MAML2: variants seen among roughly 807,000 people sequenced by gnomAD.
MAML2 encodes the protein mastermind-like protein 2.
Under a neutral mutation model 96.1 loss-of-function variants are expected in MAML2, and 22 were observed. The ratio of observed to expected loss-of-function variants is 0.23; its 90% CI spans 0.16 to 0.33. The LOEUF (loss-of-function observed/expected upper bound fraction) is 0.33. Among genes scored for constraint, MAML2 ranks in the 10% least tolerant of loss-of-function variants. The pLI is 1.00. For missense variants in MAML2, 1,367 were observed against 1,392.4 expected (o/e 0.98, Z 0.29); for synonymous variants, 561 against 521.3 (o/e 1.08, Z -1.04).
At position 96,091,762 on chromosome 11, in the gene MAML2, T is replaced by C. The variant is rs181585355; in HGVS notation, c.2139+130A>G. 6.4e-4 allele frequency: 851 copies of C among 1,337,478 alleles called. 2 individuals carry two copies. Among genetic ancestry groups the C allele is most frequent in the Admixed American group, 1.6e-3 (58 of 35,824 alleles). The allele number at this position is 1,337,478 out of a possible 1,614,324, so 82.9% of individuals were successfully genotyped here. The stretch of plus-strand genomic sequence containing the variant: ...AACCAGGCTTTATGAGGTCTTCATA[T>C]GACTCCATCAAGACCACTACTGTCT... On this transcript the variant is annotated intron_variant, in intron 2 of 4. Coordinates refer to ENST00000524717, the MANE Select transcript of MAML2 (RefSeq NM_032427.4).
intron 1 of MAML2, among the ~76,000 whole-genome samples, chr11:96,163,191 A>G (rs894181772): frequency 6.6e-6 from 1 of 152,194 alleles, no homozygotes; most frequent in Non-Finnish European, 1.5e-5. Context: ...CAGTTTAAGT[A>G]TACACTTCCC....
intron 1 of MAML2, among the ~76,000 whole-genome samples, chr11:96,295,259 TA>T (rs970136639): frequency 6.6e-5 from 10 of 151,912 alleles, no homozygotes; most frequent in African/African-American, 1.9e-4. Context: ...GAAGAGTAAT[TA>T]AAAAAAACCA....
intron 2 of MAML2, among the ~76,000 whole-genome samples, chr11:96,053,746 G>A (rs778163244): frequency 1.9e-4 from 29 of 152,314 alleles, no homozygotes; most frequent in Non-Finnish European, 3.2e-4. Flanking sequence ...TATAAACTAA[G>A]AGGGAAGGAA....
rs187805252 is a variant in MAML2, at chr11:96,059,304, G to C, written c.2139+32588C>G. On this transcript the variant is annotated intron_variant, in intron 2 of 4. Transcript: ENST00000524717. ...AATTTATACTTCATAATAGCACTAG[G>C]TTATAAAATAAGAGCTGCATGGCCA... Among the ~76,000 whole-genome samples the C allele has an allele frequency of 1.4e-3, 219 of 152,240 alleles. 1 individual carries two copies. Among genetic ancestry groups the C allele is most frequent in the Middle Eastern group, 3.4e-3 (1 of 294 alleles).
chr11:96,208,253 A>G (rs1227407240), intron 1 of MAML2, among the ~76,000 whole-genome samples: 1 of 152,208 alleles, frequency 6.6e-6, no homozygotes, highest in Non-Finnish European at 1.5e-5. Context: ...AGCAAAATAC[A>G]TCACCTCCTA....
chr11:96,018,620 T>C (rs985606497), intron 2 of MAML2, among the ~76,000 whole-genome samples: 14 of 152,158 alleles, frequency 9.2e-5, no homozygotes, highest in Admixed American at 7.2e-4. Flanking sequence ...ATGTTCCTGA[T>C]AAGTCAAGCT....
At chr11:96,204,715 TGAAGGAATC>T (rs1354875741) in intron 1 of MAML2, among the ~76,000 whole-genome samples, 10 of 152,226 alleles carry the variant, frequency 6.6e-5, no homozygotes, top group Non-Finnish European at 1.5e-4. Flanking sequence ...CACATTATGT[TGAAGGAATC>T]TGCTTAAGTT....
chr11:96,092,452 C>A lies in MAML2; in HGVS notation c.1579G>T (p.Asp527Tyr). ...TGAGGCTTTTGCTGCATGAGGACAT[C>A]TAGGTGCCCACCCTGGGCTGAGGGG... ...AGPSAQGGHL[D>Y]VLMQQKPQDL... is the part of the protein sequence containing the mutation. Residue 527 changes from aspartate to tyrosine, a missense_variant, in exon 2 of 5, where the codon GAT (aspartate) becomes TAT (tyrosine). Transcript: ENST00000524717. The surrounding 1 kb of genome is among the most constrained non-coding windows in gnomAD (Gnocchi z 4.1). The A allele has an allele frequency of 6.2e-7, 1 of 1,613,166 alleles. No individual in the cohort carries two copies. Among genetic ancestry groups the A allele is most frequent in the African/African-American group, 1.3e-5 (1 of 75,000 alleles).
At chr11:96,000,891 A>G (rs1413164990) in intron 2 of MAML2, among the ~76,000 whole-genome samples, 1 of 152,222 alleles carries the variant, frequency 6.6e-6, no homozygotes, top group East Asian at 1.9e-4. Context: ...TATCTGATAT[A>G]ACTTATTGGG....
intron 1 of MAML2, among the ~76,000 whole-genome samples, chr11:96,205,952 G>A (rs1861889591): frequency 6.6e-6 from 1 of 152,094 alleles, no homozygotes; most frequent in South Asian, 2.1e-4. Context: ...ATTTTTACAC[G>A]TTTAAGAAGA....
In MAML2 at chr11:95,978,985, T is replaced by A. The variant is rs1370592398; in HGVS notation, c.3434A>T (p.Asp1145Val). 1 of 1,611,406 alleles carries A rather than the reference T, an allele frequency of 6.2e-7. No individual in the cohort carries two copies. Among genetic ancestry groups the A allele is most frequent in the Non-Finnish European group, 8.5e-7 (1 of 1,179,150 alleles). The change falls in exon 5 of 5, where the codon GAC (aspartate) becomes GTC (valine). Residue 1145 changes from aspartate (D) to valine (V), a missense_variant. Coordinates refer to ENST00000524717, the MANE Select transcript of MAML2 (RefSeq NM_032427.4). ...CCCCAAGATTTCATCAAGATTGATG[T>A]CTTTCATCCAGTCATCATTACCAGG... ...TEPGNDDWMKDINLDEILGNN... is the reference protein window; with the variant it reads ...TEPGNDDWMKVINLDEILGNN...
At chr11:96,299,060 A>ATATATAT (rs1555037072) in intron 1 of MAML2, among the ~76,000 whole-genome samples, 666 of 56,198 alleles carry the variant, frequency 0.012, 3 homozygotes, top group Admixed American at 0.015. Flanking sequence ...AAAAAAAAAA[A>ATATATAT]ATATATATAT....
At chr11:96,331,121 AT>A (rs1223893278) in intron 1 of MAML2, among the ~76,000 whole-genome samples, 3 of 152,008 alleles carry the variant, frequency 2.0e-5, no homozygotes, top group Non-Finnish European at 1.5e-5. Context: ...AAATACTAAA[AT>A]TAGCCAAGGG....
intron 1 of MAML2, among the ~76,000 whole-genome samples, chr11:96,270,319 C>G: frequency 6.6e-6 from 1 of 152,146 alleles, no homozygotes; most frequent in South Asian, 2.1e-4. Context: ...ACCACCATTT[C>G]TTTTCTTTGA....
chr11:96,116,118 G>A (rs890566526), intron 1 of MAML2, among the ~76,000 whole-genome samples: 5 of 152,164 alleles, frequency 3.3e-5, no homozygotes, highest in Non-Finnish European at 5.9e-5. Flanking sequence ...TTAAGCTCCT[G>A]TAAATAACAT....
At chr11:96,254,168 G>A (rs1424403609) in intron 1 of MAML2, among the ~76,000 whole-genome samples, 15 of 152,116 alleles carry the variant, frequency 9.9e-5, no homozygotes, top group Non-Finnish European at 2.9e-5. Context: ...AACAGTCATC[G>A]GAGACTTTCA....
At chr11:96,189,424 G>A (rs965913369) in intron 1 of MAML2, among the ~76,000 whole-genome samples, 13 of 152,198 alleles carry the variant, frequency 8.5e-5, no homozygotes, top group African/African-American at 3.1e-4. Flanking sequence ...TAAAGTGGAT[G>A]CTTTGAATTC....
At chr11:96,117,829 A>G (rs34905096) in intron 1 of MAML2, among the ~76,000 whole-genome samples, 139,163 of 151,986 alleles carry the variant, frequency 0.92, 63,788 homozygotes, top group East Asian at 1. Flanking sequence ...AGCCTGGAAA[A>G]GAACTAAAAA....
rs76776655 is a variant in MAML2, at chr11:96,168,424, A to G, written c.514-74907T>C. ...TATCATCTCATTCCCAGGAATGAAA[A>G]TGGTGAGGAGAGATGAAGTCCAGGC... On this transcript the variant is annotated intron_variant, in intron 1 of 4. Transcript: ENST00000524717. Among the ~76,000 whole-genome samples the G allele has an allele frequency of 4.9e-3, 748 of 152,284 alleles. 4 individuals are homozygous for G. Among genetic ancestry groups the G allele is most frequent in the Middle Eastern group, 6.8e-3 (2 of 294 alleles).
Sources: gnomAD v4.1 joint callset for allele counts (sites outside exome capture counted in the v4.1 genomes callset) on GRCh38, gnomAD v4.1.1 for gene constraint, Gnocchi (gnomAD v3.1) non-coding constraint, MANE v1.5 for transcripts, NCBI Gene and HGNC (gene_info 2026-07-23, HGNC 2026-07-21) for gene names.